ZNF385D: variants seen among roughly 807,000 people sequenced by gnomAD.
ZNF385D encodes zinc finger protein 385D.
In ZNF385D, 15 loss-of-function variants were observed where a neutral mutation model predicts 35.8. The ratio of observed to expected loss-of-function variants is 0.42; its 90% confidence interval spans 0.28 to 0.64. ZNF385D has a LOEUF of 0.64. Among genes scored for constraint, ZNF385D ranks in the 30% least tolerant of loss-of-function variants. The pLI, the probability that ZNF385D is intolerant of heterozygous loss-of-function variation, is 0.23. For missense variants in ZNF385D, 474 were observed against 494.6 expected (o/e 0.96, Z 0.39); for synonymous variants, 212 against 186.8 (o/e 1.13, Z -1.10).
intron 4 of ZNF385D, among the ~76,000 whole-genome samples, chr3:21,500,117 A>G (rs780753617): frequency 6.6e-6 from 1 of 152,192 alleles, no homozygotes; most frequent in Non-Finnish European, 1.5e-5. Context: ...GCTCAGCCCA[A>G]TGGTGGCACA....
chr3:21,709,028 G>T (rs1043722241), intron 1 of ZNF385D, among the ~76,000 whole-genome samples: 2 of 152,150 alleles, frequency 1.3e-5, no homozygotes, highest in African/African-American at 4.8e-5. Context: ...GAACACATGG[G>T]TAGATTGGAA....
intron 2 of ZNF385D, among the ~76,000 whole-genome samples, chr3:21,649,177 A>C (rs1282261554): frequency 6.6e-6 from 1 of 152,146 alleles, no homozygotes. Flanking sequence ...GCTCTATACT[A>C]TAACAATAAT....
intron 2 of ZNF385D, among the ~76,000 whole-genome samples, chr3:21,623,245 T>C (rs2065053880): frequency 6.6e-6 from 1 of 152,146 alleles, no homozygotes; most frequent in Non-Finnish European, 1.5e-5. Flanking sequence ...CTAGTGTATG[T>C]TTAATTGATA....
intron 2 of ZNF385D, among the ~76,000 whole-genome samples, chr3:22,289,995 A>C (rs1185007266): frequency 6.6e-6 from 1 of 152,130 alleles, no homozygotes; most frequent in Non-Finnish European, 1.5e-5. Context: ...GGAAGCTTTG[A>C]GTTTTAGCCC....
intron 2 of ZNF385D, among the ~76,000 whole-genome samples, chr3:22,325,769 A>G (rs1694648465): frequency 6.6e-6 from 1 of 152,150 alleles, no homozygotes; most frequent in African/African-American, 2.4e-5. Context: ...AAAAAACAAA[A>G]AACAAAAAAA....
intron 3 of ZNF385D, among the ~76,000 whole-genome samples, chr3:21,805,480 CCAATT>C (rs2072599518): frequency 6.6e-6 from 1 of 152,134 alleles, no homozygotes; most frequent in African/African-American, 2.4e-5. Context: ...TCCATTCAAT[CCAATT>C]CAAGTCTAAC....
At chr3:21,750,513 T>C (rs1359304994) in intron 1 of ZNF385D, among the ~76,000 whole-genome samples, 1 of 152,212 alleles carries the variant, frequency 6.6e-6, no homozygotes, top group Non-Finnish European at 1.5e-5. Flanking sequence ...GACTAAGCTT[T>C]CACAGCATCA....
chr3:21,809,408 C>A (rs1055817271), intron 3 of ZNF385D, among the ~76,000 whole-genome samples: 1 of 151,688 alleles, frequency 6.6e-6, no homozygotes, highest in African/African-American at 2.4e-5. Context: ...TTGTCTAATG[C>A]GGTTTTCAAC....
chr3:21,632,632 C>T (rs1047981080), intron 2 of ZNF385D, among the ~76,000 whole-genome samples: 5 of 152,064 alleles, frequency 3.3e-5, no homozygotes, highest in Non-Finnish European at 5.9e-5. Flanking sequence ...AAATTGGACC[C>T]ACGGAGTGTA....
intron 1 of ZNF385D, among the ~76,000 whole-genome samples, chr3:21,669,644 G>A (rs999656297): frequency 6.6e-6 from 1 of 152,130 alleles, no homozygotes; most frequent in African/African-American, 2.4e-5. Context: ...GGTTGTCAGT[G>A]GAAATTTACT....
At chr3:21,760,937 G>A (rs1289440564) in intron 3 of ZNF385D, among the ~76,000 whole-genome samples, 2 of 152,174 alleles carry the variant, frequency 1.3e-5, no homozygotes, top group Non-Finnish European at 1.5e-5. Flanking sequence ...GCTGATCCGT[G>A]TAAACAGTAG....
chr3:21,841,624 C>T (rs1416669923), intron 3 of ZNF385D, among the ~76,000 whole-genome samples: 1 of 151,878 alleles, frequency 6.6e-6, no homozygotes, highest in Non-Finnish European at 1.5e-5. Flanking sequence ...CATTCAATCG[C>T]TTCCATTTTA....
intron 3 of ZNF385D, among the ~76,000 whole-genome samples, chr3:22,032,587 G>A (rs1003151825): frequency 6.6e-6 from 1 of 152,172 alleles, no homozygotes; most frequent in African/African-American, 2.4e-5. Context: ...GTCCTAAGCA[G>A]TGTATAGAAC....
At chr3:22,280,398 T>C (rs1263473382) in intron 2 of ZNF385D, among the ~76,000 whole-genome samples, 1 of 151,718 alleles carries the variant, frequency 6.6e-6, no homozygotes, top group Non-Finnish European at 1.5e-5. Context: ...TCTGATAGAA[T>C]TCTTATGGTT....
intron 2 of ZNF385D, among the ~76,000 whole-genome samples, chr3:21,588,579 G>A (rs568306761): frequency 2.0e-4 from 30 of 151,980 alleles, no homozygotes; most frequent in South Asian, 1.7e-3. Flanking sequence ...AAACTAAGAC[G>A]TACATTTATG....
intron 3 of ZNF385D, among the ~76,000 whole-genome samples, chr3:21,918,359 G>C (rs923805057): frequency 5.3e-5 from 8 of 152,166 alleles, no homozygotes; most frequent in African/African-American, 1.7e-4. Flanking sequence ...CCACTTTAAA[G>C]TGGAAGAAGT....
At chr3:22,272,889 T>A (rs1353287733) in intron 2 of ZNF385D, among the ~76,000 whole-genome samples, 1 of 151,962 alleles carries the variant, frequency 6.6e-6, no homozygotes, top group African/African-American at 2.4e-5. Context: ...ATTTTACTTG[T>A]GGGTTACCTC....
At chr3:21,662,701 A>G (rs2066275889) in intron 2 of ZNF385D, among the ~76,000 whole-genome samples, 1 of 152,162 alleles carries the variant, frequency 6.6e-6, no homozygotes, top group Non-Finnish European at 1.5e-5. Context: ...CCAAGGAAAA[A>G]GCAACAGTTG....
intron 2 of ZNF385D, among the ~76,000 whole-genome samples, chr3:22,311,809 A>G (rs1703567945): frequency 6.6e-6 from 1 of 152,104 alleles, no homozygotes; most frequent in Admixed American, 6.6e-5. Flanking sequence ...AAATTGAGCC[A>G]ATTTTTACTA....
Sources: gnomAD v4.1 joint callset for allele counts (sites outside exome capture counted in the v4.1 genomes callset) on GRCh38, gnomAD v4.1.1 for gene constraint, MANE v1.5 for transcripts, NCBI Gene and HGNC (gene_info 2026-07-23, HGNC 2026-07-21) for gene names.